The following NCKAP5 variants were observed in gnomAD, a reference collection of about 807,000 sequenced individuals.
NCKAP5 encodes the protein NCK associated protein 5.
Under a neutral mutation model 167.0 loss-of-function variants are expected in NCKAP5, and 92 were observed. The ratio of observed to expected loss-of-function variants is 0.55; its 90% CI spans 0.47 to 0.66. The LOEUF is 0.66. NCKAP5 is among the 30% of genes least tolerant of loss of function. The probability of loss-of-function intolerance (pLI) is 0.00; values close to 1 mark genes in which losing one functional copy is unlikely to be tolerated. For synonymous variants in NCKAP5, 891 were observed against 877.4 expected (o/e 1.02, Z -0.27); for missense variants, 2,378 against 2,315.0 (o/e 1.03, Z -0.56).
At chr2:133,402,033 C>T (rs1054965978) in intron 3 of NCKAP5, among the ~76,000 whole-genome samples, 15 of 152,152 alleles carry the variant, frequency 9.9e-5, no homozygotes, top group African/African-American at 3.4e-4. Context: ...GGGGATGTCA[C>T]CCTGTCAGCG....
intron 3 of NCKAP5, among the ~76,000 whole-genome samples, chr2:133,355,303 T>C (rs1684634192): frequency 6.6e-6 from 1 of 152,186 alleles, no homozygotes; most frequent in South Asian, 2.1e-4. Context: ...CTGTTGAGTA[T>C]AAATGTGCCA....
At chr2:132,728,987 C>A in intron 17 of NCKAP5, 35 bp from the exon 18 acceptor site, 4 of 1,608,530 alleles carry the variant, frequency 2.5e-6, no homozygotes, top group Non-Finnish European at 3.4e-6. Flanking sequence ...TCACATATCA[C>A]CTTTCATCAA....
chr2:132,738,999 A>C (rs1691781674), intron 16 of NCKAP5, among the ~76,000 whole-genome samples: 1 of 152,342 alleles, frequency 6.6e-6, no homozygotes, highest in African/African-American at 2.4e-5. Flanking sequence ...ACAAATATCC[A>C]AACTATATAA....
At chr2:133,029,202 A>C (rs761979026) in intron 6 of NCKAP5, among the ~76,000 whole-genome samples, 5 of 152,182 alleles carry the variant, frequency 3.3e-5, no homozygotes, top group Non-Finnish European at 7.4e-5. Flanking sequence ...ATTTTACAGC[A>C]ACATAGGCAG....
At chr2:133,204,451 G>T (rs1464469470) in intron 5 of NCKAP5, among the ~76,000 whole-genome samples, 1 of 152,038 alleles carries the variant, frequency 6.6e-6, no homozygotes. Context: ...TTTCACATCC[G>T]CCAAGTTCAC....
At chr2:133,380,718 C>T (rs138455817) in intron 3 of NCKAP5, among the ~76,000 whole-genome samples, 137 of 152,290 alleles carry the variant, frequency 9.0e-4, no homozygotes, top group Non-Finnish European at 1.8e-3. Flanking sequence ...CAGGCCCAAT[C>T]AGACTTACTG....
At chr2:133,073,431 G>C (rs1210367101) in intron 6 of NCKAP5, among the ~76,000 whole-genome samples, 2 of 152,134 alleles carry the variant, frequency 1.3e-5, no homozygotes, top group Non-Finnish European at 2.9e-5. Flanking sequence ...CAAGAGCTTT[G>C]AAAACATAAC....
At chr2:132,675,025 A>G (rs1420308494) in intron 19 of NCKAP5, among the ~76,000 whole-genome samples, 1 of 152,250 alleles carries the variant, frequency 6.6e-6, no homozygotes, top group Non-Finnish European at 1.5e-5. Context: ...AATAAATGGC[A>G]TTCAATGCAA....
intron 3 of NCKAP5, among the ~76,000 whole-genome samples, chr2:133,458,189 C>T (rs1177597906): frequency 1.3e-5 from 2 of 152,158 alleles, no homozygotes; most frequent in Non-Finnish European, 2.9e-5. Context: ...TACTGACAGG[C>T]TACCAGCTAG....
At chr2:133,015,264 T>C (rs151226343) in intron 6 of NCKAP5, among the ~76,000 whole-genome samples, 6 of 152,264 alleles carry the variant, frequency 3.9e-5, no homozygotes, top group African/African-American at 1.2e-4. Flanking sequence ...AAGTAATTTG[T>C]CCAAAGTCAT....
chr2:132,794,676 C>CAT (rs989256663), intron 12 of NCKAP5, among the ~76,000 whole-genome samples: 2 of 150,356 alleles, frequency 1.3e-5, no homozygotes, highest in African/African-American at 5.0e-5. Context: ...CACACACACA[C>CAT]ACACACATAC....
chr2:133,017,733 C>CA (rs397806678), intron 6 of NCKAP5, among the ~76,000 whole-genome samples: 6 of 152,008 alleles, frequency 3.9e-5, no homozygotes, highest in African/African-American at 1.5e-4. Context: ...CCCGCCCCCC[C>CA]ACTGTTTCCT....
chr2:133,097,610 GTATT>G (rs1445166017), intron 6 of NCKAP5, among the ~76,000 whole-genome samples: 1 of 152,152 alleles, frequency 6.6e-6, no homozygotes, highest in Admixed American at 6.5e-5. Flanking sequence ...AGTTCCTTGA[GTATT>G]TGGTGGATGG....
chr2:132,921,215 C>T (rs994774098), intron 8 of NCKAP5, among the ~76,000 whole-genome samples: 2 of 152,032 alleles, frequency 1.3e-5, no homozygotes, highest in Non-Finnish European at 2.9e-5. Flanking sequence ...AACCCTTTAT[C>T]TCTCTCTCCA....
At chr2:133,462,237 G>A (rs1692244802) in intron 3 of NCKAP5, among the ~76,000 whole-genome samples, 1 of 152,048 alleles carries the variant, frequency 6.6e-6, no homozygotes, top group African/African-American at 2.4e-5. Flanking sequence ...TCCCTTTTGG[G>A]TCTCACCTTC....
At chr2:132,801,843 G>T (rs938144965) in intron 11 of NCKAP5, among the ~76,000 whole-genome samples, 1 of 152,174 alleles carries the variant, frequency 6.6e-6, no homozygotes, top group Admixed American at 6.5e-5. Context: ...CCTTTATCTG[G>T]CAGGATGAAG....
At chr2:133,615,842 A>G in the NCKAP5 span, among the ~76,000 whole-genome samples, 11 of 152,240 alleles carry the variant, frequency 7.2e-5, no homozygotes, top group Non-Finnish European at 1.5e-4. Context: ...AATCAACAGA[A>G]TGTACATTTT....
intron 15 of NCKAP5, among the ~76,000 whole-genome samples, chr2:132,779,708 A>G (rs573387232): frequency 5.3e-5 from 8 of 152,206 alleles, no homozygotes; most frequent in South Asian, 2.1e-4. Context: ...TTGAATAAAA[A>G]AATTTAAACA....
the NCKAP5 span, among the ~76,000 whole-genome samples, chr2:133,654,906 G>A: frequency 1.3e-5 from 2 of 152,194 alleles, no homozygotes; most frequent in African/African-American, 4.8e-5. Context: ...GAAAACTCAT[G>A]ACTGATAGCA....
Sources: gnomAD v4.1 joint callset for allele counts (sites outside exome capture counted in the v4.1 genomes callset) on GRCh38, gnomAD v4.1.1 for gene constraint, MANE v1.5 for transcripts, NCBI Gene and HGNC (gene_info 2026-07-23, HGNC 2026-07-21) for gene names.